The following FNDC3B variants were observed in gnomAD, a reference collection of about 807,000 sequenced individuals.
FNDC3B encodes the protein fibronectin type III domain-containing protein 3B.
In FNDC3B, 12 loss-of-function variants were observed where a neutral mutation model predicts 151.5. That is an observed-to-expected ratio of 0.08 (90% CI 0.05 to 0.13). FNDC3B has a LOEUF of 0.13. Among genes scored for constraint, FNDC3B ranks in the 10% least tolerant of loss-of-function variants. The pLI, the probability that FNDC3B is intolerant of heterozygous loss-of-function variation, is 1.00. For synonymous variants in FNDC3B, 528 were observed against 549.0 expected (o/e 0.96, Z 0.54); for missense variants, 1,214 against 1,505.3 (o/e 0.81, Z 3.20).
intron 6 of FNDC3B, among the ~76,000 whole-genome samples, chr3:172,262,393 C>A (rs1354885703): frequency 6.6e-6 from 1 of 152,180 alleles, no homozygotes; most frequent in Non-Finnish European, 1.5e-5. Context: ...ATGCTTTTGT[C>A]TACCTCTTGT....
chr3:172,278,088 C>A lies in FNDC3B; in HGVS notation c.791-7838C>A, dbSNP rs1028470934. Among the ~76,000 whole-genome samples, 86 of 152,236 alleles carry A rather than the reference C, an allele frequency of 5.6e-4. 1 individual carries two copies. The highest frequency in any genetic ancestry group is 4.8e-3 in the Admixed American group (73 of 15,294). On this transcript the variant is annotated intron_variant, in intron 6 of 25. Coordinates refer to ENST00000415807, the MANE Select transcript of FNDC3B (RefSeq NM_022763.4). The stretch of plus-strand genomic sequence containing the variant: ...TCCCAAATAATTCAGTCATCTGAGA[C>A]ATAATTAAGAAAATGTGGATGTAAA...
chr3:172,207,636 T>C (rs1291238764), intron 3 of FNDC3B, among the ~76,000 whole-genome samples: 3 of 151,930 alleles, frequency 2.0e-5, no homozygotes, highest in South Asian at 2.1e-4. Flanking sequence ...TATCATCCAA[T>C]TGGCCAAAAG....
chr3:172,089,904 T>C (rs1718724430), intron 1 of FNDC3B, among the ~76,000 whole-genome samples: 1 of 152,232 alleles, frequency 6.6e-6, no homozygotes, highest in Admixed American at 6.5e-5. Context: ...CTCAACTTTT[T>C]ACAACGTTAA....
chr3:172,310,601 C>G (rs1467703237), intron 10 of FNDC3B, among the ~76,000 whole-genome samples: 1 of 152,132 alleles, frequency 6.6e-6, no homozygotes, highest in Non-Finnish European at 1.5e-5. Context: ...GTAGGTTTGG[C>G]TATTTGTGGA....
intron 3 of FNDC3B, among the ~76,000 whole-genome samples, chr3:172,188,346 G>C (rs1006424126): frequency 1.3e-5 from 2 of 151,924 alleles, no homozygotes; most frequent in Non-Finnish European, 2.9e-5. Context: ...TGTTTAGAGT[G>C]GTGGAACTGA....
intron 25 of FNDC3B, among the ~76,000 whole-genome samples, chr3:172,390,905 G>T (rs1735976271): frequency 6.6e-6 from 1 of 152,134 alleles, no homozygotes; most frequent in African/African-American, 2.4e-5. Flanking sequence ...GTGGTGGGAT[G>T]ATTTAGAAGG....
intron 2 of FNDC3B, among the ~76,000 whole-genome samples, chr3:172,113,520 C>A (rs1249809565): frequency 6.6e-6 from 1 of 152,148 alleles, no homozygotes; most frequent in Non-Finnish European, 1.5e-5. Flanking sequence ...CTGCATTGTA[C>A]TATCAACCTC....
chr3:172,049,383 A>G (rs1222092885), intron 1 of FNDC3B, among the ~76,000 whole-genome samples: 7 of 152,190 alleles, frequency 4.6e-5, no homozygotes, highest in Non-Finnish European at 1.0e-4. Flanking sequence ...TTTAATATTG[A>G]GATGAATCAG....
At chr3:172,139,124 C>G (rs1192807295) in intron 3 of FNDC3B, among the ~76,000 whole-genome samples, 1 of 152,034 alleles carries the variant, frequency 6.6e-6, no homozygotes, top group East Asian at 1.9e-4. Flanking sequence ...GTCACAGGGA[C>G]CTTAATGTTA....
intron 3 of FNDC3B, among the ~76,000 whole-genome samples, chr3:172,178,920 TC>T (rs1377034724): frequency 1.3e-5 from 2 of 152,342 alleles, no homozygotes; most frequent in African/African-American, 4.8e-5. Context: ...TTTTCATATT[TC>T]TGCCTTGTGA....
intron 3 of FNDC3B, among the ~76,000 whole-genome samples, chr3:172,222,579 G>A (rs1726332865): frequency 1.3e-5 from 2 of 152,302 alleles, no homozygotes; most frequent in South Asian, 4.1e-4. Context: ...GTTTCAGAAT[G>A]AAACTGTTCC....
intron 25 of FNDC3B, among the ~76,000 whole-genome samples, chr3:172,383,749 A>G (rs1396664212): frequency 6.6e-6 from 1 of 152,234 alleles, no homozygotes; most frequent in Admixed American, 6.5e-5. Context: ...AATTAGTTTT[A>G]TCATGTTTCA....
At chr3:172,268,676 T>C (rs1479556498) in intron 6 of FNDC3B, among the ~76,000 whole-genome samples, 2 of 152,218 alleles carry the variant, frequency 1.3e-5, no homozygotes, top group Non-Finnish European at 2.9e-5. Context: ...AGGACCTTAA[T>C]AGAGGAGAGG....
At chr3:172,114,069 G>A (rs1720121537) in intron 2 of FNDC3B, among the ~76,000 whole-genome samples, 1 of 152,138 alleles carries the variant, frequency 6.6e-6, no homozygotes, top group African/African-American at 2.4e-5. Context: ...AGATCCTGAG[G>A]GGTCTTTTCC....
chr3:172,215,046 T>G (rs1725908501), intron 3 of FNDC3B, among the ~76,000 whole-genome samples: 1 of 152,242 alleles, frequency 6.6e-6, no homozygotes, highest in Admixed American at 6.5e-5. Context: ...GTTCTTTCAT[T>G]TGTAACAGAT....
intron 25 of FNDC3B, among the ~76,000 whole-genome samples, chr3:172,381,340 C>T (rs1265473263): frequency 1.3e-5 from 2 of 152,070 alleles, no homozygotes; most frequent in Non-Finnish European, 2.9e-5. Flanking sequence ...AGTTGTAAAT[C>T]GTTTATTTGT....
At chr3:172,261,631 G>A (rs904827893) in intron 6 of FNDC3B, among the ~76,000 whole-genome samples, 2 of 152,164 alleles carry the variant, frequency 1.3e-5, no homozygotes, top group African/African-American at 4.8e-5. Flanking sequence ...GAATTGAGTA[G>A]ATAACACAAG....
chr3:172,322,709 T>C (rs1327675788), intron 11 of FNDC3B, among the ~76,000 whole-genome samples: 1 of 152,126 alleles, frequency 6.6e-6, no homozygotes, highest in East Asian at 1.9e-4. Flanking sequence ...CATCCCTGAT[T>C]CTTTTCTGAG....
Position 172,345,594 on chromosome 3 carries a change from C to T in FNDC3B, c.2251-733C>T, listed in dbSNP as rs1163371773. Among the ~76,000 whole-genome samples the T allele has an allele frequency of 3.3e-5, 5 of 152,098 alleles. 1 individual carries two copies. In the South Asian group the frequency reaches 6.2e-4, roughly 19 times the overall value. Reference sequence around the variant, plus strand: ...GGTGGTTTTTTGTTTCCCCCCTCCCCGCCGTCTTTTTTCTCTCATTTTGAC... The same window carrying T: ...GGTGGTTTTTTGTTTCCCCCCTCCCTGCCGTCTTTTTTCTCTCATTTTGAC... On this transcript the variant is annotated intron_variant, in intron 19 of 25. Transcript: ENST00000415807.
Sources: allele counts gnomAD v4.1 joint callset (sites outside exome capture counted in the v4.1 genomes callset), GRCh38; gene constraint gnomAD v4.1.1; transcripts MANE v1.5; gene names NCBI Gene and HGNC (gene_info 2026-07-23, HGNC 2026-07-21).